The following ATP5PB variants were observed in gnomAD, a reference collection of about 807,000 sequenced individuals.
ATP5PB encodes the protein ATP synthase peripheral stalk subunit b, mitochondrial.
In ATP5PB, 21 loss-of-function variants were observed where a neutral mutation model predicts 34.5. That is an observed-to-expected ratio of 0.61 (90% CI 0.43 to 0.88). The LOEUF is 0.88. Ranked by LOEUF, ATP5PB falls within the 40% of genes least tolerant of loss-of-function variation. ATP5PB has a pLI of 0.00. For synonymous variants in ATP5PB, 108 were observed against 114.1 expected (o/e 0.95, Z 0.34); for missense variants, 293 against 317.4 (o/e 0.92, Z 0.58).
In ATP5PB at chr1:111,461,062, A is replaced by T. The variant is rs1434812970; in HGVS notation, c.*68A>T. 1.4e-6 allele frequency: 2 copies of T among 1,429,158 alleles called. No homozygotes were observed. Among genetic ancestry groups the T allele is most frequent in the African/African-American group, 1.4e-5 (1 of 70,600 alleles). The allele number at this position is 1,429,158 out of a possible 1,614,324, so 88.5% of individuals were successfully genotyped here. On this transcript the variant is annotated 3_prime_UTR_variant, in exon 7 of 7. Coordinates refer to ENST00000369722, the MANE Select transcript of ATP5PB (RefSeq NM_001688.5). ...CTAAATGGAAACTAGTCTATTTGAC[A>T]AAGTCTTTCTGTGTTGGTGTCTACT...
intron 6 of ATP5PB, among the ~76,000 whole-genome samples, chr1:111,460,714 T>C (rs375053400): frequency 1.3e-5 from 2 of 152,342 alleles, no homozygotes; most frequent in East Asian, 1.9e-4. Flanking sequence ...ACTAACCCCC[T>C]GGATTTGCTT....
At chr1:111,459,942 A>G (rs1557801903) in intron 6 of ATP5PB, among the ~76,000 whole-genome samples, 1 of 152,200 alleles carries the variant, frequency 6.6e-6, no homozygotes, top group Non-Finnish European at 1.5e-5. Flanking sequence ...AGGCAGGAGG[A>G]TCACTTGAGG....
intron 2 of ATP5PB, among the ~76,000 whole-genome samples, chr1:111,452,040 G>A (rs1653349565): frequency 6.6e-6 from 1 of 151,986 alleles, no homozygotes; most frequent in South Asian, 2.1e-4. Context: ...GATGGCTTGA[G>A]CCCAGGAGGT....
In ATP5PB at chr1:111,456,640, C is replaced by A. The variant is rs773207757; in HGVS notation, c.398C>A (p.Ala133Asp). The change falls in exon 5 of 7, where the codon GCC (alanine) becomes GAC (aspartate). Residue 133 changes from alanine (A) to aspartate (D), a missense_variant. Physicochemically the swap from Ala to Asp is moderately radical, Grantham distance 126 (BLOSUM62 -2). Transcript: ENST00000369722. Reference sequence around the variant, plus strand: ...CTATCACAATTGTAGCAAAAACTTGCCCAACTAGAAGAGGCGAAGCAGGCT... The same window carrying A: ...CTATCACAATTGTAGCAAAAACTTGACCAACTAGAAGAGGCGAAGCAGGCT... ...FADKLNEQKL[A>D]QLEEAKQASI... 1.2e-6 allele frequency: 2 copies of A among 1,611,418 alleles called. No homozygotes were observed. The highest frequency in any genetic ancestry group is 1.1e-5 in the South Asian group (1 of 90,560).
In ATP5PB at chr1:111,461,279, T is replaced by G. The variant is rs1653615193; in HGVS notation, c.*285T>G. 1.7e-5 allele frequency: 4 copies of G among 232,618 alleles called. No individual in the cohort carries two copies. Among genetic ancestry groups the G allele is most frequent in the Non-Finnish European group, 2.6e-5 (3 of 117,146 alleles). 14.4% of individuals were successfully genotyped at this position (232,618 alleles called of 1,614,324 possible). On this transcript the variant is annotated 3_prime_UTR_variant, in exon 7 of 7. Transcript: ENST00000369722. ...GACTAAAGATTAACAGGTTATAGTT[T>G]AAATTTGTAATTAATTCTACCATCT...
At chr1:111,455,104 T>C (rs1449689704) in intron 3 of ATP5PB, among the ~76,000 whole-genome samples, 1 of 152,178 alleles carries the variant, frequency 6.6e-6, no homozygotes, top group Non-Finnish European at 1.5e-5. Flanking sequence ...CTGCCTTTCT[T>C]GGCCCATACC....
At chr1:111,453,505 G>A (rs1557799708) in intron 2 of ATP5PB, among the ~76,000 whole-genome samples, 2 of 151,668 alleles carry the variant, frequency 1.3e-5, no homozygotes, top group African/African-American at 2.4e-5. Context: ...ATCTTACATA[G>A]AAAAGCAAAA....
chr1:111,449,549 C>T lies in ATP5PB; in HGVS notation c.8C>T (p.Ser3Phe), dbSNP rs755709315. Residue 3 changes from serine to phenylalanine, a missense_variant, in exon 1 of 7, where the codon TCC (serine) becomes TTC (phenylalanine). Transcript: ENST00000369722. ML[S>F]RVVLSAAATA... Reference sequence around the variant, plus strand: ...CCTGGACTTTCGTTGACCATGCTGTCCCGGGTGGTACTTTCCGCCGCCGCC... The same window carrying T: ...CCTGGACTTTCGTTGACCATGCTGTTCCGGGTGGTACTTTCCGCCGCCGCC... 6 of 1,612,652 alleles carry T rather than the reference C, an allele frequency of 3.7e-6. No individual in the cohort carries two copies. The African/African-American group carries it at 5.3e-5, about 14-fold the overall frequency.
At chr1:111,453,910 A>C (rs889280222) in intron 2 of ATP5PB, among the ~76,000 whole-genome samples, 1 of 152,250 alleles carries the variant, frequency 6.6e-6, no homozygotes. Flanking sequence ...CGCCACGTCC[A>C]CATTCTTACA....
At chr1:111,459,168 T>C (rs1241873545) in intron 5 of ATP5PB, among the ~76,000 whole-genome samples, 1 of 152,202 alleles carries the variant, frequency 6.6e-6, no homozygotes, top group Non-Finnish European at 1.5e-5. Context: ...GCCTATATTT[T>C]GATGGGTATA....
chr1:111,457,282 C>G (rs2101759040), intron 5 of ATP5PB, among the ~76,000 whole-genome samples: 1 of 151,140 alleles, frequency 6.6e-6, no homozygotes, highest in East Asian at 1.9e-4. Flanking sequence ...CACTGCACTT[C>G]AGCCTAGGCA....
At position 111,459,656 on chromosome 1, in the gene ATP5PB, G is replaced by C; in HGVS notation, c.693+20G>C. The stretch of plus-strand genomic sequence containing the variant: ...CAGCAGGTACACAACATTTTTGTAG[G>C]TTCTGATGTTGTACTGGTATCTCTT... On this transcript the variant is annotated intron_variant, in intron 6 of 6. Transcript: ENST00000369722. 1.2e-6 allele frequency: 2 copies of C among 1,609,850 alleles called. No homozygotes were observed. Among genetic ancestry groups the C allele is most frequent in the Non-Finnish European group, 1.7e-6 (2 of 1,177,490 alleles).
rs182506736 is a variant in ATP5PB at position 111,451,966 on chromosome 1, T to A, written c.77+2093T>A. On this transcript the variant is annotated intron_variant, in intron 2 of 6. Coordinates refer to ENST00000369722, the MANE Select transcript of ATP5PB (RefSeq NM_001688.5). Reference sequence around the variant, plus strand: ...ACAACAAAAATTTTTAAAAATTTTTTAAATTAGCTGGGCATTGTGGTGTAC... The same window carrying A: ...ACAACAAAAATTTTTAAAAATTTTTAAAATTAGCTGGGCATTGTGGTGTAC... Among the ~76,000 whole-genome samples the A allele has an allele frequency of 8.8e-3, 1,339 of 152,174 alleles. 13 individuals are homozygous for A. The highest frequency in any genetic ancestry group is 0.015 in the Non-Finnish European group (1,052 of 68,000).
chr1:111,459,669 A>C (rs780251430), intron 6 of ATP5PB, 33 bp downstream of exon 6: 5 of 1,601,624 alleles, frequency 3.1e-6, no homozygotes, highest in Non-Finnish European at 4.3e-6. Context: ...CTGATGTTGT[A>C]CTGGTATCTC....
At chr1:111,459,676 T>C in intron 6 of ATP5PB, 40 bp downstream of exon 6, 1 of 1,589,480 alleles carries the variant, frequency 6.3e-7, no homozygotes, top group Non-Finnish European at 8.6e-7. Flanking sequence ...TGTACTGGTA[T>C]CTCTTAACAA....
chr1:111,453,830 C>T lies in ATP5PB; in HGVS notation c.78-381C>T, dbSNP rs139895601. ...TTTTACTGAGAGAAATCTGAGATTA[C>T]AAAAGCTTAAGTTCTTTACTCAAAG... is the stretch of plus-strand genomic sequence containing the variant. On this transcript the variant is annotated intron_variant, in intron 2 of 6. Transcript: ENST00000369722. Among the ~76,000 whole-genome samples the T allele has an allele frequency of 3.7e-3, 557 of 152,280 alleles. 5 individuals carry two copies. The highest frequency in any genetic ancestry group is 0.013 in the African/African-American group (527 of 41,552).
intron 5 of ATP5PB, 127 bp downstream of exon 5, chr1:111,456,882 T>G: frequency 8.2e-7 from 1 of 1,217,038 alleles, no homozygotes; most frequent in Non-Finnish European, 1.1e-6. Flanking sequence ...AAGATTTGTG[T>G]AGGAGTTGGC....
intron 2 of ATP5PB, among the ~76,000 whole-genome samples, chr1:111,453,190 T>G (rs1462617385): frequency 6.6e-6 from 1 of 152,170 alleles, no homozygotes; most frequent in Admixed American, 6.5e-5. Flanking sequence ...TTTTATTTCA[T>G]CAGAAGCTTA....
intron 2 of ATP5PB, among the ~76,000 whole-genome samples, chr1:111,452,756 A>T (rs1056830400): frequency 4.0e-5 from 6 of 149,846 alleles, no homozygotes; most frequent in African/African-American, 1.5e-4. Context: ...ACATTTAGCA[A>T]TGTCTGGAGA....
Sources: gnomAD v4.1 joint callset for allele counts (sites outside exome capture counted in the v4.1 genomes callset) on GRCh38, gnomAD v4.1.1 for gene constraint, MANE v1.5 for transcripts, NCBI Gene and HGNC (gene_info 2026-07-23, HGNC 2026-07-21) for gene names.